CALHM4: variants seen among roughly 807,000 people sequenced by gnomAD.
CALHM4 encodes calcium homeostasis modulator protein 4.
Under a neutral mutation model 13.3 loss-of-function variants are expected in CALHM4, and 16 were observed. The ratio of observed to expected loss-of-function variants is 1.20; its 90% CI spans 0.81 to 1.82. The LOEUF (loss-of-function observed/expected upper bound fraction) is 1.82, where lower values mean the gene tolerates loss of function less well. Among genes scored for constraint, CALHM4 ranks in the 40% most tolerant of loss-of-function variants. The pLI is 0.00. For missense variants in CALHM4, 344 were observed against 374.9 expected, an observed-to-expected ratio of 0.92 and a Z score of 0.68; for synonymous variants, 127 against 137.1, an observed-to-expected ratio of 0.93 and a Z score of 0.52.
chr6:116,547,055 G>A (rs1773823588), intron 2 of CALHM4, among the ~76,000 whole-genome samples: 1 of 152,186 alleles, frequency 6.6e-6, no homozygotes, highest in African/African-American at 2.4e-5. Flanking sequence ...GTTGAGAAAT[G>A]TATTCAAGGT....
upstream of CALHM4, among the ~76,000 whole-genome samples, chr6:116,552,143 T>C (rs1387245134): frequency 6.6e-6 from 1 of 152,168 alleles, no homozygotes; most frequent in African/African-American, 2.4e-5. Flanking sequence ...GATGTGTCTT[T>C]ATTTTGCTCT....
chr6:116,540,367 G>A (rs1222867861), intron 1 of CALHM4: 4 of 1,550,528 alleles, frequency 2.6e-6, no homozygotes, highest in African/African-American at 1.4e-5. Context: ...AGTTACCTGG[G>A]CAATTATGTC....
At position 116,557,887 on chromosome 6, in the gene CALHM4, A is replaced by G; in HGVS notation, c.621A>G (p.Ala207=). 1 of 1,614,140 alleles carries G rather than the reference A, an allele frequency of 6.2e-7. No homozygotes were observed. Among genetic ancestry groups the G allele is most frequent in the East Asian group, 2.2e-5 (1 of 44,894 alleles). ...TIAALVSCCV[A]KCCSPLTSLQ... ...CTGCCTTAGTCTCCTGCTGTGTGGC[A>G]AAGTGCTGCTCTCCCCTCACCTCTC... is the stretch of plus-strand genomic sequence containing the variant. Residue 207 remains alanine (A), a synonymous_variant, in exon 2 of 2, where the codon GCA becomes GCG. Transcript: ENST00000368596.
rs1430494392 is a variant in CALHM4 at position 116,560,584 on chromosome 6, C to T, written c.*2373C>T. Reference sequence around the variant, plus strand: ...GTGAACATTTAAAAGGTAGTACACACCCCTGGGATTTCATCTTACAGTACA... The same window carrying T: ...GTGAACATTTAAAAGGTAGTACACATCCCTGGGATTTCATCTTACAGTACA... On this transcript the variant is annotated 3_prime_UTR_variant, in exon 2 of 2. Coordinates refer to ENST00000368596, the MANE Select transcript of CALHM4 (RefSeq NM_001366078.2). Among the ~76,000 whole-genome samples the T allele has an allele frequency of 6.7e-6, 1 of 149,382 alleles. No individual in the cohort carries two copies. The highest frequency in any genetic ancestry group is 2.5e-5 in the African/African-American group (1 of 40,342).
At chr6:116,541,676 T>G (rs912307057) in intron 1 of CALHM4, among the ~76,000 whole-genome samples, 4 of 152,234 alleles carry the variant, frequency 2.6e-5, no homozygotes, top group Admixed American at 2.6e-4. Flanking sequence ...CAAAGACTTT[T>G]AACAATCAAA....
At chr6:116,536,623 T>C (rs1773110069) in intron 1 of CALHM4, among the ~76,000 whole-genome samples, 8 of 152,220 alleles carry the variant, frequency 5.3e-5, no homozygotes, top group Admixed American at 5.2e-4. Context: ...TCCTTCTCTC[T>C]CTTTCCTTCC....
chr6:116,547,696 A>G (rs1355147142), intron 2 of CALHM4, among the ~76,000 whole-genome samples: 1 of 152,214 alleles, frequency 6.6e-6, no homozygotes, highest in Non-Finnish European at 1.5e-5. Flanking sequence ...CACAGAGATG[A>G]TGTTTCAAGC....
intron 1 of CALHM4, among the ~76,000 whole-genome samples, chr6:116,533,441 T>C (rs1389561021): frequency 6.6e-6 from 1 of 152,238 alleles, no homozygotes; most frequent in African/African-American, 2.4e-5. Flanking sequence ...GAAAAACACG[T>C]GGCTTCATTT....
chr6:116,554,194 G>A lies in CALHM4; in HGVS notation c.401G>A (p.Ser134Asn), dbSNP rs113076582. 453 of 1,550,596 alleles carry A rather than the reference G, an allele frequency of 2.9e-4. No individual in the cohort carries two copies. The highest frequency in any genetic ancestry group is 3.6e-4 in the Non-Finnish European group (418 of 1,146,984). ...GGCACGTATTATGAATGTGCAGCAA[G>A]TGAATTTGCATCTGTGGACCATTAC... ...LTGTYYECAASEFASVDHYPM... is the reference protein window; with the variant it reads ...LTGTYYECAANEFASVDHYPM... The change falls in exon 1 of 2, where the codon AGT becomes AAT. Residue 134 changes from serine to asparagine, a missense_variant. Coordinates refer to ENST00000368596, the MANE Select transcript of CALHM4 (RefSeq NM_001366078.2).
chr6:116,540,612 G>T, intron 1 of CALHM4: 1 of 723,140 alleles, frequency 1.4e-6, no homozygotes, highest in Non-Finnish European at 2.3e-6. Flanking sequence ...TTGGCTGTGG[G>T]CTTCTTATTC....
At chr6:116,556,176 C>T (rs1258725844) in intron 1 of CALHM4, among the ~76,000 whole-genome samples, 1 of 152,188 alleles carries the variant, frequency 6.6e-6, no homozygotes, top group Non-Finnish European at 1.5e-5. Context: ...TGCATTATCT[C>T]CTCTGGGAAG....
intron 1 of CALHM4, among the ~76,000 whole-genome samples, chr6:116,540,108 T>G (rs1773345935): frequency 6.6e-6 from 1 of 152,200 alleles, no homozygotes; most frequent in Non-Finnish European, 1.5e-5. Flanking sequence ...CTTCTGAAAA[T>G]GCTTTTTCCA....
At chr6:116,545,405 C>T in intron 2 of CALHM4, 1 of 1,384,724 alleles carries the variant, frequency 7.2e-7, no homozygotes, top group Non-Finnish European at 9.9e-7. Flanking sequence ...TTTTTAAAAT[C>T]AATCAGAAAT....
chr6:116,538,595 C>T (rs1773236453), intron 1 of CALHM4, among the ~76,000 whole-genome samples: 1 of 152,170 alleles, frequency 6.6e-6, no homozygotes, highest in African/African-American at 2.4e-5. Context: ...TGAAATTATT[C>T]TTCAAATGTT....
At chr6:116,553,106 A>C (rs548718478), upstream of CALHM4, among the ~76,000 whole-genome samples, 4 of 152,296 alleles carry the variant, frequency 2.6e-5, no homozygotes, top group East Asian at 7.7e-4. Context: ...CAAATATCAC[A>C]TTTTCATATA....
chr6:116,545,243 T>C (rs180883921), intron 2 of CALHM4, among the ~76,000 whole-genome samples: 116 of 152,148 alleles, frequency 7.6e-4, no homozygotes, highest in Non-Finnish European at 1.4e-3. Context: ...CTCATATTGA[T>C]ATAATTAGTC....
intron 1 of CALHM4, among the ~76,000 whole-genome samples, chr6:116,542,628 T>C (rs12199491): frequency 0.56 from 84,407 of 151,918 alleles, 25,083 homozygotes; most frequent in East Asian, 0.89. Flanking sequence ...GATGATCACA[T>C]AGTTACTCAG....
exon 2 of CALHM4, chr6:116,543,802 G>A: frequency 6.5e-7 from 1 of 1,533,562 alleles, no homozygotes; most frequent in Non-Finnish European, 8.7e-7. Context: ...TCAGGCGTCT[G>A]CACAATCCCT....
chr6:116,555,118 T>C (rs1774253355), intron 1 of CALHM4, among the ~76,000 whole-genome samples: 1 of 152,226 alleles, frequency 6.6e-6, no homozygotes, highest in Non-Finnish European at 1.5e-5. Flanking sequence ...CTTAGAGTTA[T>C]TACATTTCAG....
Sources: gnomAD v4.1 joint callset for allele counts (sites outside exome capture counted in the v4.1 genomes callset) on GRCh38, gnomAD v4.1.1 for gene constraint, MANE v1.5 for transcripts, NCBI Gene and HGNC (gene_info 2026-07-23, HGNC 2026-07-21) for gene names.